The following ADARB2 variants were observed in gnomAD, a reference collection of about 807,000 sequenced individuals.
ADARB2 encodes adenosine deaminase RNA specific B2 (inactive).
A neutral mutation model predicts 62.2 loss-of-function variants in ADARB2; 25 were observed. The ratio of observed to expected loss-of-function variants is 0.40; its 90% CI spans 0.29 to 0.56. The LOEUF is 0.56. Among genes scored for constraint, ADARB2 ranks in the 20% least tolerant of loss-of-function variants. The pLI is 0.43. For missense variants in ADARB2, 1,071 were observed against 1,077.4 expected, an observed-to-expected ratio of 0.99 and a Z score of 0.08; for synonymous variants, 572 against 500.8, an observed-to-expected ratio of 1.14 and a Z score of -1.90.
At chr10:1,228,748 A>G (rs185502720) in intron 6 of ADARB2, among the ~76,000 whole-genome samples, 3 of 152,326 alleles carry the variant, frequency 2.0e-5, no homozygotes, top group Non-Finnish European at 4.4e-5. Flanking sequence ...ATGCACCACG[A>G]ACACTTTTCA....
intron 3 of ADARB2, among the ~76,000 whole-genome samples, chr10:1,278,453 G>A (rs1831340389): frequency 1.3e-5 from 2 of 148,588 alleles, no homozygotes; most frequent in South Asian, 2.1e-4. Flanking sequence ...CCCAGTGTCT[G>A]CTCTTCCCAT....
At chr10:1,290,293 A>G (rs6560722) in intron 3 of ADARB2, 37,268 of 152,170 alleles carry the variant, frequency 0.24, 4,777 homozygotes, top group Admixed American at 0.31. Flanking sequence ...GGGCACCTCC[A>G]GCAGAGAGTG....
chr10:1,651,252 C>A (rs887322484), intron 1 of ADARB2, among the ~76,000 whole-genome samples: 2 of 152,254 alleles, frequency 1.3e-5, no homozygotes, highest in Admixed American at 6.5e-5. Flanking sequence ...TAGGAACCAC[C>A]CTGTGCTTAA....
Position 1,497,114 on chromosome 10 carries a change from G to A in ADARB2, c.101-117954C>T, listed in dbSNP as rs150536497. Among the ~76,000 whole-genome samples, 590 of 152,202 alleles carry A rather than the reference G, an allele frequency of 3.9e-3. 10 individuals are homozygous for A. The highest frequency in any genetic ancestry group is 7.5e-3 in the East Asian group (39 of 5,182). ...CCCTTAAGTTCTATAAGCCTAAGTC[G>A]TCACATCAATGAAATGGGATAATAA... is the stretch of plus-strand genomic sequence containing the variant. On this transcript the variant is annotated intron_variant, in intron 1 of 9. Transcript: ENST00000381312.
chr10:1,336,694 C>T (rs2131836445), intron 3 of ADARB2, among the ~76,000 whole-genome samples: 1 of 152,324 alleles, frequency 6.6e-6, no homozygotes, highest in Non-Finnish European at 1.5e-5. Context: ...GCCTCCTCAC[C>T]CTCAGAAGAC....
intron 3 of ADARB2, among the ~76,000 whole-genome samples, chr10:1,285,855 A>C (rs1284541797): frequency 1.3e-5 from 2 of 152,260 alleles, no homozygotes; most frequent in Non-Finnish European, 2.9e-5. Flanking sequence ...GGTAAAATTG[A>C]CATTCAGCCA....
intron 1 of ADARB2, among the ~76,000 whole-genome samples, chr10:1,459,572 C>T (rs55848986): frequency 0.26 from 39,991 of 152,030 alleles, 5,603 homozygotes; most frequent in East Asian, 0.52. Context: ...GAGACCAGCC[C>T]GGCCAACATG....
At chr10:1,343,428 T>C (rs2805528) in intron 3 of ADARB2, among the ~76,000 whole-genome samples, 80,383 of 152,122 alleles carry the variant, frequency 0.53, 22,061 homozygotes, top group East Asian at 0.7. Flanking sequence ...CTAGTGGGAA[T>C]GTAGATTAGC....
At chr10:1,192,902 C>T (rs1250269791) in intron 8 of ADARB2, among the ~76,000 whole-genome samples, 1 of 152,256 alleles carries the variant, frequency 6.6e-6, no homozygotes, top group Non-Finnish European at 1.5e-5. Context: ...GAGATCGCGC[C>T]ACTGCATTCC....
At chr10:1,392,820 C>T (rs539451091) in intron 1 of ADARB2, among the ~76,000 whole-genome samples, 15 of 152,244 alleles carry the variant, frequency 9.9e-5, no homozygotes, top group East Asian at 3.9e-4. Context: ...AGGTGGCCTG[C>T]GGTGTCAGCC....
At chr10:1,523,070 G>A (rs1400325947) in intron 1 of ADARB2, among the ~76,000 whole-genome samples, 1 of 152,160 alleles carries the variant, frequency 6.6e-6, no homozygotes, top group Non-Finnish European at 1.5e-5. Flanking sequence ...TTTGTTAGAA[G>A]AGCACCGACT....
intron 1 of ADARB2, among the ~76,000 whole-genome samples, chr10:1,581,826 ATGTGTGTGTGTG>A (rs56180704): frequency 0.029 from 4,339 of 148,452 alleles, 193 homozygotes; most frequent in African/African-American, 0.091. Context: ...TTAGAAATAG[ATGTGTGTGTGTG>A]TGTGTGTGTG....
chr10:1,265,719 C>T (rs1831190865), intron 4 of ADARB2, among the ~76,000 whole-genome samples: 1 of 136,646 alleles, frequency 7.3e-6, no homozygotes, highest in African/African-American at 2.8e-5. Context: ...TGAGCCAGGT[C>T]CACGCTCCCC....
chr10:1,400,229 G>A (rs542697066), intron 1 of ADARB2, among the ~76,000 whole-genome samples: 4 of 152,326 alleles, frequency 2.6e-5, no homozygotes, highest in African/African-American at 7.2e-5. Context: ...GCAGAGCAGC[G>A]TGGGCTCCCC....
intron 1 of ADARB2, among the ~76,000 whole-genome samples, chr10:1,394,271 A>G (rs1297785784): frequency 1.3e-5 from 2 of 152,220 alleles, no homozygotes; most frequent in African/African-American, 4.8e-5. Context: ...CTGGACAAGT[A>G]TGTCCTGTGA....
intron 4 of ADARB2, among the ~76,000 whole-genome samples, chr10:1,247,832 G>C (rs1423500918): frequency 1.3e-5 from 2 of 152,172 alleles, no homozygotes; most frequent in Non-Finnish European, 2.9e-5. Flanking sequence ...TTGGTTTATG[G>C]GCATCACCCT....
intron 1 of ADARB2, among the ~76,000 whole-genome samples, chr10:1,448,627 C>T (rs1475893920): frequency 3.9e-5 from 6 of 152,180 alleles, no homozygotes; most frequent in African/African-American, 1.4e-4. Flanking sequence ...CACATAGCTT[C>T]TTATGTTAAC....
chr10:1,687,046 T>TTC (rs1266420548), intron 1 of ADARB2, among the ~76,000 whole-genome samples: 76 of 147,512 alleles, frequency 5.2e-4, no homozygotes, highest in Non-Finnish European at 9.1e-4. Context: ...TTTTTTTTTT[T>TTC]TGACAAGTCT....
intron 1 of ADARB2, among the ~76,000 whole-genome samples, chr10:1,593,254 C>A (rs1162312955): frequency 1.4e-5 from 2 of 142,994 alleles, no homozygotes; most frequent in South Asian, 4.4e-4. Flanking sequence ...TCCCCTCTGT[C>A]ACCCAGCTTC....
Sources: gnomAD v4.1 joint callset for allele counts (sites outside exome capture counted in the v4.1 genomes callset) on GRCh38, gnomAD v4.1.1 for gene constraint, MANE v1.5 for transcripts, NCBI Gene and HGNC (gene_info 2026-07-23, HGNC 2026-07-21) for gene names.